XKR9: variants seen among roughly 807,000 people sequenced by gnomAD.
XKR9 encodes the protein XK related 9, also known as XK-related protein 9.
XKR9 carries 32 observed loss-of-function variants against 32.0 expected under a neutral mutation model. The ratio of observed to expected loss-of-function variants is 1.00; its 90% CI spans 0.76 to 1.34. The LOEUF is 1.34. Among genes scored for constraint, XKR9 ranks in the 40% most tolerant of loss-of-function variants. The pLI, the probability that XKR9 is intolerant of heterozygous loss-of-function variation, is 0.00. For missense variants in XKR9, 546 were observed against 429.7 expected, an observed-to-expected ratio of 1.27 and a Z score of -2.39; for synonymous variants, 168 against 143.4, an observed-to-expected ratio of 1.17 and a Z score of -1.22.
At chr8:70,679,547 A>C (rs1193928509) in intron 2 of XKR9, among the ~76,000 whole-genome samples, 1 of 152,240 alleles carries the variant, frequency 6.6e-6, no homozygotes, top group Non-Finnish European at 1.5e-5. Context: ...GAAATGGGCC[A>C]GATGACTACT....
the XKR9 span, among the ~76,000 whole-genome samples, chr8:70,934,707 A>T: frequency 6.6e-6 from 1 of 151,994 alleles, no homozygotes; most frequent in Non-Finnish European, 1.5e-5. Context: ...CGTATTTCAA[A>T]TATGCAAAAA....
chr8:70,888,207 AT>A, the XKR9 span, among the ~76,000 whole-genome samples: 2 of 151,368 alleles, frequency 1.3e-5, no homozygotes, highest in African/African-American at 4.9e-5. Context: ...GATGTTGAGC[AT>A]TTTTTCATAT....
At chr8:70,686,578 G>C (rs1326388468) in intron 3 of XKR9, among the ~76,000 whole-genome samples, 1 of 151,884 alleles carries the variant, frequency 6.6e-6, no homozygotes, top group Non-Finnish European at 1.5e-5. Context: ...TGAGTAGCTG[G>C]GACTACAGGC....
the XKR9 span, among the ~76,000 whole-genome samples, chr8:70,957,939 C>T: frequency 6.6e-5 from 10 of 151,842 alleles, no homozygotes; most frequent in African/African-American, 2.2e-4. Flanking sequence ...AGACATGTGC[C>T]ACCACACCTG....
chr8:70,977,238 C>T, the XKR9 span, among the ~76,000 whole-genome samples: 6 of 152,102 alleles, frequency 3.9e-5, no homozygotes, highest in African/African-American at 1.4e-4. Flanking sequence ...TCTCTATCTC[C>T]TTCAGTTCTG....
the XKR9 span, among the ~76,000 whole-genome samples, chr8:70,985,529 A>T: frequency 1.2e-3 from 185 of 152,314 alleles, no homozygotes; most frequent in Non-Finnish European, 2.3e-3. Context: ...ATTATCATAA[A>T]CAAGGCTGAA....
At chr8:70,691,059 C>G (rs1048279516) in intron 3 of XKR9, among the ~76,000 whole-genome samples, 1 of 152,156 alleles carries the variant, frequency 6.6e-6, no homozygotes, top group Admixed American at 6.5e-5. Context: ...TTCTCCACAA[C>G]CTCGCCAGCA....
the XKR9 span, among the ~76,000 whole-genome samples, chr8:70,926,277 G>T: frequency 1.3e-5 from 2 of 152,074 alleles, no homozygotes; most frequent in Non-Finnish European, 2.9e-5. Flanking sequence ...CACCATGTTG[G>T]CCAGGCTGGT....
chr8:70,674,475 G>C (rs577071577), intron 1 of XKR9, among the ~76,000 whole-genome samples: 5 of 152,306 alleles, frequency 3.3e-5, no homozygotes, highest in Non-Finnish European at 7.3e-5. Context: ...TTGAAAAGTA[G>C]GTAGGGCTGA....
the XKR9 span, among the ~76,000 whole-genome samples, chr8:70,893,315 G>A: frequency 2.0e-5 from 3 of 151,994 alleles, no homozygotes; most frequent in Non-Finnish European, 2.9e-5. Flanking sequence ...TATTATTTTA[G>A]CTTCTTTTTT....
the XKR9 span, among the ~76,000 whole-genome samples, chr8:70,913,829 G>C: frequency 0.073 from 11,041 of 152,088 alleles, 472 homozygotes; most frequent in Non-Finnish European, 0.089. Context: ...TATAAAATGG[G>C]ATCTTATAGT....
the XKR9 span, among the ~76,000 whole-genome samples, chr8:70,962,162 A>G: frequency 1.3e-5 from 2 of 152,104 alleles, no homozygotes; most frequent in South Asian, 2.1e-4. Flanking sequence ...TAGTTTACTG[A>G]TATGTTTAAA....
chr8:70,835,922 TATTC>T, the XKR9 span, among the ~76,000 whole-genome samples: 1 of 152,098 alleles, frequency 6.6e-6, no homozygotes, highest in Non-Finnish European at 1.5e-5. Context: ...TATTTACTTC[TATTC>T]ATTCATCTAA....
the XKR9 span, among the ~76,000 whole-genome samples, chr8:70,878,067 A>T: frequency 6.6e-6 from 1 of 152,242 alleles, no homozygotes; most frequent in Non-Finnish European, 1.5e-5. Flanking sequence ...ACTAAGCTTC[A>T]TAAGTGCAGG....
At chr8:71,059,277 A>G in the XKR9 span, among the ~76,000 whole-genome samples, 22 of 152,214 alleles carry the variant, frequency 1.4e-4, no homozygotes, top group Non-Finnish European at 2.5e-4. Flanking sequence ...ATGTGCCCTC[A>G]GGCGCCAAAC....
the XKR9 span, among the ~76,000 whole-genome samples, chr8:70,994,123 C>G: frequency 6.6e-6 from 1 of 151,962 alleles, no homozygotes; most frequent in Non-Finnish European, 1.5e-5. Flanking sequence ...TATAAGTTAC[C>G]CAGTTTGTGG....
chr8:70,899,756 T>G, the XKR9 span, among the ~76,000 whole-genome samples: 1 of 152,176 alleles, frequency 6.6e-6, no homozygotes, highest in Admixed American at 6.5e-5. Context: ...TTGCAGATGC[T>G]TCCATGTCAG....
rs1394310283 is a variant in XKR9, at chr8:70,735,482, C to CT, written c.*1061dup. On this transcript the variant is annotated 3_prime_UTR_variant, in exon 5 of 5. Transcript: ENST00000408926. ...TTATATTATTATTATTATTATTATA[C>CT]TTTAAGGTTTAGGGTACATGTGCAC... 6.7e-6 allele frequency: 1 copy of CT among 149,294 alleles called. No individual in the cohort carries two copies. Among genetic ancestry groups the CT allele is most frequent in the Non-Finnish European group, 1.5e-5 (1 of 67,374 alleles). The allele number at this position is 149,294 out of a possible 1,614,324, so 9.2% of individuals were successfully genotyped here.
chr8:70,890,457 T>C, the XKR9 span, among the ~76,000 whole-genome samples: 42 of 152,024 alleles, frequency 2.8e-4, no homozygotes, highest in African/African-American at 9.9e-4. Flanking sequence ...TTATATATAG[T>C]CTTTAGAATG....
Sources: allele counts gnomAD v4.1 joint callset (sites outside exome capture counted in the v4.1 genomes callset), GRCh38; gene constraint gnomAD v4.1.1; transcripts MANE v1.5; gene names NCBI Gene and HGNC (gene_info 2026-07-23, HGNC 2026-07-21).